Variants in MGRN1 observed in about 807,000 individuals in gnomAD.
MGRN1 encodes the protein mahogunin ring finger 1.
A neutral mutation model predicts 69.2 loss-of-function variants in MGRN1; 29 were observed. The observed-to-expected ratio is 0.42, with a 90% CI of 0.31 to 0.57. The LOEUF (loss-of-function observed/expected upper bound fraction) is 0.57, where lower values mean the gene tolerates loss of function less well. MGRN1 is among the 20% of genes least tolerant of loss of function. The pLI is 0.15. For synonymous variants in MGRN1, 470 were observed against 344.2 expected (o/e 1.37, Z -4.04); for missense variants, 998 against 796.2 (o/e 1.25, Z -3.05).
chr16:4,624,981 C>T lies in MGRN1; in HGVS notation c.21C>T (p.Arg7=). 1 of 1,556,708 alleles carries T rather than the reference C, an allele frequency of 6.4e-7. No individual in the cohort carries two copies. Among genetic ancestry groups the T allele is most frequent in the East Asian group, 2.7e-5 (1 of 37,616 alleles). Residue 7 remains arginine (R), a synonymous_variant, in exon 1 of 17, where the codon CGC becomes CGT. Coordinates refer to ENST00000262370, the MANE Select transcript of MGRN1 (RefSeq NM_015246.4). The part of the protein sequence containing the change: MGSILS[R]RIAGVEDIDI... ...GCACCATGGGCTCCATTCTCAGCCGCCGCATCGCGGGGGTGGAGGACATCG... is the reference window on the plus strand; with the variant it reads ...GCACCATGGGCTCCATTCTCAGCCGTCGCATCGCGGGGGTGGAGGACATCG...
chr16:4,666,046 GGTCTCGATCTCCT>G (rs1423554164), intron 7 of MGRN1, among the ~76,000 whole-genome samples: 5 of 151,686 alleles, frequency 3.3e-5, no homozygotes, highest in Admixed American at 3.3e-4. Context: ...TAGCCAGGAT[GGTCTCGATCTCCT>G]GCCTCTTGAT....
chr16:4,663,579 C>T (rs1031012445), intron 5 of MGRN1, among the ~76,000 whole-genome samples: 2 of 152,166 alleles, frequency 1.3e-5, no homozygotes, highest in Non-Finnish European at 2.9e-5. Context: ...CTGTTCTGTG[C>T]CAGACACCGA....
chr16:4,680,907 G>C (rs187950667), intron 12 of MGRN1, among the ~76,000 whole-genome samples: 1 of 152,352 alleles, frequency 6.6e-6, no homozygotes, highest in African/African-American at 2.4e-5. Flanking sequence ...AAGGAGCACT[G>C]ACGAGCGTTG....
intron 5 of MGRN1, 174 bp from the exon 6 acceptor site, chr16:4,664,535 T>C (rs1483916491): frequency 9.3e-6 from 6 of 643,356 alleles, no homozygotes; most frequent in Middle Eastern, 2.5e-4. Context: ...AACACACACA[T>C]AAAAAAGGTG....
chr16:4,651,217 A>G (rs1264671817), intron 2 of MGRN1: 1 of 152,230 alleles, frequency 6.6e-6, no homozygotes, highest in Non-Finnish European at 1.5e-5. Flanking sequence ...GTTGCCAGAG[A>G]AGGGCACATT....
intron 1 of MGRN1, among the ~76,000 whole-genome samples, chr16:4,638,451 C>T (rs999102125): frequency 3.3e-5 from 5 of 151,014 alleles, no homozygotes; most frequent in Non-Finnish European, 7.4e-5. Context: ...GGTGACAGAG[C>T]GAGAGTCCGT....
chr16:4,679,446 C>A (rs1484272690), intron 11 of MGRN1, among the ~76,000 whole-genome samples: 1 of 152,092 alleles, frequency 6.6e-6, no homozygotes, highest in Non-Finnish European at 1.5e-5. Context: ...CAAAAGCAAA[C>A]GCTCCTCCTC....
chr16:4,649,641 A>T (rs905602147), intron 1 of MGRN1: 2 of 152,290 alleles, frequency 1.3e-5, no homozygotes, highest in African/African-American at 2.4e-5. Context: ...TCTTAACTTG[A>T]TTACATCTGC....
intron 4 of MGRN1, among the ~76,000 whole-genome samples, chr16:4,656,466 C>T (rs988376500): frequency 7.9e-5 from 12 of 152,244 alleles, no homozygotes; most frequent in Admixed American, 6.5e-4. Context: ...ATTGTGCCTC[C>T]GCCTTCCGGG....
intron 7 of MGRN1, 63 bp from the exon 8 acceptor site, chr16:4,668,202 A>C: frequency 6.5e-7 from 1 of 1,531,648 alleles, no homozygotes; most frequent in Non-Finnish European, 8.9e-7. Context: ...CCAGGCGGCC[A>C]CGCAGGGGTG....
At chr16:4,659,160 TAAAAAA>T (rs112878682) in intron 5 of MGRN1, 1 of 150,126 alleles carries the variant, frequency 6.7e-6, no homozygotes. Flanking sequence ...CTTAGGAAGG[TAAAAAA>T]AAAATAAAAA....
rs943308466 is a variant in MGRN1, at chr16:4,624,840, C to T, written c.-121C>T. The T allele has an allele frequency of 2.9e-5, 22 of 767,350 alleles. No homozygotes were observed. Among genetic ancestry groups the T allele is most frequent in the African/African-American group, 2.0e-4 (11 of 54,608 alleles). The allele number at this position is 767,350 out of a possible 1,614,324, so 47.5% of individuals were successfully genotyped here. On this transcript the variant is annotated 5_prime_UTR_variant, in exon 1 of 17. Transcript: ENST00000262370. ...GAGCCGGGGGTGGGGGCTCGAGGCG[C>T]CTCCGCGGCCGTGGACGAGCGTCCG...
intron 1 of MGRN1, among the ~76,000 whole-genome samples, chr16:4,644,541 C>A (rs184697056): frequency 3.9e-5 from 6 of 152,080 alleles, no homozygotes; most frequent in African/African-American, 1.4e-4. Context: ...AACTCCTGAC[C>A]TCAGGTGATC....
At chr16:4,629,619 G>A (rs574215222) in intron 1 of MGRN1, among the ~76,000 whole-genome samples, 1 of 151,748 alleles carries the variant, frequency 6.6e-6, no homozygotes, top group Admixed American at 6.6e-5. Flanking sequence ...CACACCTGTA[G>A]TCCCAGCTGC....
Position 4,688,933 on chromosome 16 carries a change from G to A in MGRN1, c.*25G>A. On this transcript the variant is annotated 3_prime_UTR_variant, in exon 17 of 17. Transcript: ENST00000262370. Reference sequence around the variant, plus strand: ...AGAGCCTGGCCGAGCTGGCAGCATGGAGCCCTCGGCTCCCCAGACTTTGCC... The same window carrying A: ...AGAGCCTGGCCGAGCTGGCAGCATGAAGCCCTCGGCTCCCCAGACTTTGCC... The A allele has an allele frequency of 6.5e-7, 1 of 1,527,972 alleles. No homozygotes were observed. Among genetic ancestry groups the A allele is most frequent in the Non-Finnish European group, 8.8e-7 (1 of 1,131,408 alleles). 94.7% of individuals were successfully genotyped at this position (1,527,972 alleles called of 1,614,324 possible). A position where few individuals can be genotyped will look rare whatever the true frequency, so the allele number is the denominator to read the frequency against.
intron 10 of MGRN1, among the ~76,000 whole-genome samples, chr16:4,676,297 G>A (rs1230477779): frequency 6.6e-6 from 1 of 152,222 alleles, no homozygotes; most frequent in East Asian, 1.9e-4. Flanking sequence ...CAGGAAGTGG[G>A]GGCAGGGGTG....
At chr16:4,677,222 C>T (rs949116609) in intron 10 of MGRN1, 24 of 393,824 alleles carry the variant, frequency 6.1e-5, no homozygotes, top group Middle Eastern at 6.5e-4. Context: ...GTCTTTGGAG[C>T]GCCCCCTCCC....
At chr16:4,670,990 T>C (rs1390565071) in intron 8 of MGRN1, among the ~76,000 whole-genome samples, 1 of 152,228 alleles carries the variant, frequency 6.6e-6, no homozygotes, top group Non-Finnish European at 1.5e-5. Flanking sequence ...AGAGGCTTCA[T>C]GCCTTTTGGA....
chr16:4,681,639 G>T lies in MGRN1; in HGVS notation c.1221G>T (p.Ser407=). The change falls in exon 13 of 17, where the codon TCG becomes TCT. Residue 407 remains serine (S), a synonymous_variant. Coordinates refer to ENST00000262370, the MANE Select transcript of MGRN1 (RefSeq NM_015246.4). ...GGGCTGTCTCCCCGGCCATCCCCTC[G>T]GCCCCTCTTTATGAAGAAATCACCT... is the stretch of plus-strand genomic sequence containing the variant. ...GLRAVSPAIP[S]APLYEEITYS... is the part of the protein sequence containing the mutation. 1.9e-6 allele frequency: 3 copies of T among 1,613,462 alleles called. No homozygotes were observed. The highest frequency in any genetic ancestry group is 2.5e-6 in the Non-Finnish European group (3 of 1,180,018).
Sources: allele counts gnomAD v4.1 joint callset (sites outside exome capture counted in the v4.1 genomes callset), GRCh38; gene constraint gnomAD v4.1.1; transcripts MANE v1.5; gene names NCBI Gene and HGNC (gene_info 2026-07-23, HGNC 2026-07-21).